The following TYW1B variants were observed in gnomAD, a reference collection of about 807,000 sequenced individuals.
The protein encoded by TYW1B is S-adenosyl-L-methionine-dependent tRNA 4-demethylwyosine synthase TYW1B.
A neutral mutation model predicts 86.9 loss-of-function variants in TYW1B; 73 were observed. The ratio of observed to expected loss-of-function variants is 0.84; its 90% CI spans 0.70 to 1.02. The LOEUF (loss-of-function observed/expected upper bound fraction) is 1.02. Ranked by LOEUF, TYW1B falls within the 50% of genes least tolerant of loss-of-function variation. TYW1B has a pLI of 0.00. For missense variants in TYW1B, 637 were observed against 827.4 expected (o/e 0.77, Z 2.82); for synonymous variants, 248 against 292.8 (o/e 0.85, Z 1.56).
intron 7 of TYW1B, among the ~76,000 whole-genome samples, chr7:72,763,933 T>C (rs1787729372): frequency 6.6e-6 from 1 of 152,226 alleles, no homozygotes; most frequent in Admixed American, 6.5e-5. Flanking sequence ...TCTGTGGGTA[T>C]GTTATTGATA....
chr7:72,708,581 C>T (rs1232185185), intron 10 of TYW1B, among the ~76,000 whole-genome samples: 3 of 152,184 alleles, frequency 2.0e-5, no homozygotes, highest in Non-Finnish European at 2.9e-5. Context: ...TTAAAGGAAA[C>T]TTCCAAAATA....
chr7:72,812,800 A>G (rs368952085), intron 3 of TYW1B, among the ~76,000 whole-genome samples: 13 of 151,750 alleles, frequency 8.6e-5, no homozygotes, highest in East Asian at 7.7e-4. Context: ...AGTTTAAGCA[A>G]TTCTCATGCC....
chr7:72,783,021 A>G (rs1169394069), intron 6 of TYW1B, among the ~76,000 whole-genome samples: 1 of 152,224 alleles, frequency 6.6e-6, no homozygotes, highest in African/African-American at 2.4e-5. Flanking sequence ...AAATGCCTCA[A>G]AACTATCAGA....
chr7:72,754,331 C>T (rs535558948), intron 7 of TYW1B, among the ~76,000 whole-genome samples: 3 of 152,134 alleles, frequency 2.0e-5, no homozygotes, highest in South Asian at 2.1e-4. Context: ...TTAATAGAGA[C>T]GGGGTTTTAC....
At chr7:72,610,208 A>G (rs1411531811) in intron 13 of TYW1B, among the ~76,000 whole-genome samples, 2 of 152,174 alleles carry the variant, frequency 1.3e-5, no homozygotes, top group South Asian at 2.1e-4. Context: ...ACGTTAGGGT[A>G]TATCTGGTGT....
chr7:72,613,112 T>A (rs1333800539), intron 13 of TYW1B, among the ~76,000 whole-genome samples: 1 of 151,942 alleles, frequency 6.6e-6, no homozygotes, highest in Non-Finnish European at 1.5e-5. Context: ...AATAGCAACA[T>A]CATAAAAGAC....
At chr7:72,578,887 C>T (rs1554429227) in intron 13 of TYW1B, among the ~76,000 whole-genome samples, 2 of 152,128 alleles carry the variant, frequency 1.3e-5, no homozygotes, top group Admixed American at 6.6e-5. Context: ...ATTCTCTCTT[C>T]TTCCCTATTT....
At position 72,628,140 on chromosome 7, in the gene TYW1B, A is replaced by G. The variant is rs190704200; in HGVS notation, c.1617+747T>C. Among the ~76,000 whole-genome samples, 337 of 152,200 alleles carry G rather than the reference A, an allele frequency of 2.2e-3. 4 individuals carry two copies. Among genetic ancestry groups the G allele is most frequent in the African/African-American group, 7.5e-3 (311 of 41,530 alleles). ...GACCTTCTCTCTACAAAAAATAGCC[A>G]GGCATAGTGGCGTGCACCTCTAGTC... On this transcript the variant is annotated intron_variant, in intron 12 of 13. Coordinates refer to ENST00000620995, the MANE Select transcript of TYW1B (RefSeq NM_001145440.3).
At chr7:72,578,079 C>T (rs73368985) in intron 13 of TYW1B, among the ~76,000 whole-genome samples, 6,065 of 151,660 alleles carry the variant, frequency 0.04, 403 homozygotes, top group African/African-American at 0.14. Context: ...TGCCGTCACC[C>T]AGGACATGCG....
At chr7:72,741,833 G>A (rs1787309615) in intron 8 of TYW1B, among the ~76,000 whole-genome samples, 1 of 152,116 alleles carries the variant, frequency 6.6e-6, no homozygotes, top group Non-Finnish European at 1.5e-5. Flanking sequence ...CAGTGGGAGA[G>A]TACATTTAAA....
chr7:72,686,275 C>T (rs1176126137), intron 11 of TYW1B, among the ~76,000 whole-genome samples: 3 of 152,134 alleles, frequency 2.0e-5, no homozygotes, highest in African/African-American at 7.2e-5. Flanking sequence ...TTTATAACAG[C>T]TGTGTTCAAA....
At chr7:72,806,991 T>C (rs1479446292) in intron 5 of TYW1B, 75 bp downstream of exon 5, 11 of 1,537,422 alleles carry the variant, frequency 7.2e-6, no homozygotes, top group East Asian at 2.3e-5. Flanking sequence ...AGATGGTTTA[T>C]TGAGGAAGAG....
At position 72,788,994 on chromosome 7, in the gene TYW1B, C is replaced by T. The variant is rs553251813; in HGVS notation, c.847-11461G>A. ...CACAGGTACCAGCTACCACGCCCAG[C>T]TAACTTTTTATGTTTTGTAGAGACA... On this transcript the variant is annotated intron_variant, in intron 6 of 13. Transcript: ENST00000620995. 4.7e-4 allele frequency among the ~76,000 whole-genome samples: 72 copies of T among 152,038 alleles called. No homozygotes were observed. The Middle Eastern group carries it at 0.014, about 29-fold the overall frequency.
intron 6 of TYW1B, among the ~76,000 whole-genome samples, chr7:72,790,956 A>C (rs1263922230): frequency 7.2e-5 from 11 of 152,184 alleles, no homozygotes; most frequent in Non-Finnish European, 1.2e-4. Context: ...TTTATGGGTC[A>C]CACTCTTTCC....
intron 7 of TYW1B, among the ~76,000 whole-genome samples, chr7:72,767,384 A>G (rs1554468702): frequency 6.6e-6 from 1 of 152,090 alleles, no homozygotes; most frequent in African/African-American, 2.4e-5. Context: ...AGATAGGTGG[A>G]TCACGAGGTC....
chr7:72,627,540 A>T (rs556898928), intron 12 of TYW1B, among the ~76,000 whole-genome samples: 5 of 152,316 alleles, frequency 3.3e-5, no homozygotes, highest in Admixed American at 2.0e-4. Context: ...ATAAAATGTC[A>T]TCTCAGAAAA....
chr7:72,595,285 G>A (rs1321494803), intron 13 of TYW1B, among the ~76,000 whole-genome samples: 2 of 152,132 alleles, frequency 1.3e-5, no homozygotes, highest in Non-Finnish European at 2.9e-5. Flanking sequence ...AAGGAATTCA[G>A]CAAAGTGGCA....
intron 11 of TYW1B, among the ~76,000 whole-genome samples, chr7:72,687,249 A>C (rs1396170342): frequency 1.3e-5 from 2 of 152,184 alleles, no homozygotes; most frequent in Non-Finnish European, 2.9e-5. Context: ...CAGCCTGACC[A>C]AACTGGTGAA....
At chr7:72,609,911 T>C (rs769549896) in intron 13 of TYW1B, among the ~76,000 whole-genome samples, 22 of 152,190 alleles carry the variant, frequency 1.4e-4, no homozygotes, top group Non-Finnish European at 2.8e-4. Context: ...TGGGTTTCTG[T>C]ATTATTTCCT....
Sources: gnomAD v4.1 joint callset for allele counts (sites outside exome capture counted in the v4.1 genomes callset) on GRCh38, gnomAD v4.1.1 for gene constraint, MANE v1.5 for transcripts, NCBI Gene and HGNC (gene_info 2026-07-23, HGNC 2026-07-21) for gene names.